The following RANBP10 variants were observed in gnomAD, a reference collection of about 807,000 sequenced individuals.
RANBP10 encodes the protein ran-binding protein 10.
RANBP10 carries 24 observed loss-of-function variants against 72.8 expected under a neutral mutation model. The observed-to-expected ratio is 0.33, with a 90% CI of 0.24 to 0.46. The LOEUF is 0.46. Ranked by LOEUF, RANBP10 falls within the 20% of genes least tolerant of loss-of-function variation. RANBP10 has a pLI of 1.00. For synonymous variants in RANBP10, 310 were observed against 322.3 expected (o/e 0.96, Z 0.41); for missense variants, 679 against 817.5 (o/e 0.83, Z 2.07).
At chr16:67,794,342 C>T (rs1358739117) in intron 2 of RANBP10, among the ~76,000 whole-genome samples, 1 of 151,440 alleles carries the variant, frequency 6.6e-6, no homozygotes, top group Non-Finnish European at 1.5e-5. Flanking sequence ...GAGGCTGAGG[C>T]GGGAGAATTG....
chr16:67,740,500 C>T (rs1219298498), intron 4 of RANBP10, among the ~76,000 whole-genome samples: 1 of 152,038 alleles, frequency 6.6e-6, no homozygotes, highest in Non-Finnish European at 1.5e-5. Context: ...CTATCCAACC[C>T]CTGCCCAGAA....
At chr16:67,764,953 C>T (rs932612317) in intron 3 of RANBP10, among the ~76,000 whole-genome samples, 1 of 152,050 alleles carries the variant, frequency 6.6e-6, no homozygotes, top group Admixed American at 6.6e-5. Context: ...ACTTGAACAT[C>T]TTAACTATAT....
chr16:67,794,538 T>G lies in RANBP10; in HGVS notation c.347+10890A>C, dbSNP rs1358258444. On this transcript the variant is annotated intron_variant, in intron 2 of 13. Transcript: ENST00000317506. ...CCAACATATTCTTTTTTTTTTTTTTTTTGAGATGGAGTCTCACTCTGTCTC... is the reference window on the plus strand; with the variant it reads ...CCAACATATTCTTTTTTTTTTTTTTGTTGAGATGGAGTCTCACTCTGTCTC... 2.7e-5 allele frequency among the ~76,000 whole-genome samples: 4 copies of G among 148,782 alleles called. No homozygotes were observed. The East Asian group carries it at 8.0e-4, about 30-fold the overall frequency.
chr16:67,778,645 G>A (rs1279064141), intron 2 of RANBP10, among the ~76,000 whole-genome samples: 1 of 152,168 alleles, frequency 6.6e-6, no homozygotes, highest in Admixed American at 6.6e-5. Flanking sequence ...GAGCCCAGGA[G>A]TTTGGGACTA....
At chr16:67,744,121 G>A (rs570401260) in intron 4 of RANBP10, 167 bp downstream of exon 4, 70 of 1,401,640 alleles carry the variant, frequency 5.0e-5, no homozygotes, top group East Asian at 1.0e-4. Context: ...GAACAAAGGC[G>A]TGCCCCTGCT....
intron 3 of RANBP10, among the ~76,000 whole-genome samples, chr16:67,766,901 C>T (rs1191145300): frequency 6.6e-6 from 1 of 152,126 alleles, no homozygotes; most frequent in African/African-American, 2.4e-5. Context: ...TATCTAGATG[C>T]AATCTGATTC....
chr16:67,727,301 T>G (rs1320574763), intron 13 of RANBP10, 26 bp downstream of exon 13: 5 of 1,585,014 alleles, frequency 3.2e-6, no homozygotes, highest in Non-Finnish European at 4.3e-6. Context: ...CTGTCTCTAA[T>G]AATAATAATA....
chr16:67,797,183 C>T (rs1321713570), intron 2 of RANBP10, among the ~76,000 whole-genome samples: 1 of 152,166 alleles, frequency 6.6e-6, no homozygotes, highest in Non-Finnish European at 1.5e-5. Context: ...GGGAAAAGAC[C>T]AAAAGTTCCA....
At chr16:67,780,112 G>C (rs1201251761) in intron 2 of RANBP10, among the ~76,000 whole-genome samples, 2 of 152,022 alleles carry the variant, frequency 1.3e-5, no homozygotes, top group Non-Finnish European at 2.9e-5. Flanking sequence ...GGTGCCTGTA[G>C]TCCCAGCTAC....
chr16:67,755,238 C>T (rs138863348), intron 3 of RANBP10, among the ~76,000 whole-genome samples: 124 of 152,274 alleles, frequency 8.1e-4, no homozygotes, highest in Middle Eastern at 3.4e-3. Flanking sequence ...CCACTCCCAC[C>T]CTGAAGCCAA....
At chr16:67,806,266 C>T in intron 1 of RANBP10, 36 bp downstream of exon 1, 1 of 1,568,178 alleles carries the variant, frequency 6.4e-7, no homozygotes, top group South Asian at 1.2e-5. Context: ...CACGGACGCT[C>T]TAGCCTTAAT....
At position 67,806,519 on chromosome 16, in the gene RANBP10, T is replaced by C. The variant is rs3743730; in HGVS notation, c.18A>G (p.Ala6=). ...GCTGCGGGTTCCCAGCTCCCGGGTC[T>C]GCCGTCGCTGCCGCCATCTTGGAGG... is the stretch of plus-strand genomic sequence containing the variant. MAAAT[A]DPGAGNPQPG... is the part of the protein sequence containing the mutation. Residue 6 remains alanine, a synonymous_variant, in exon 1 of 14, where the codon GCA becomes GCG. Transcript: ENST00000317506. 63 of 1,509,824 alleles carry C rather than the reference T, an allele frequency of 4.2e-5. No individual in the cohort carries two copies. Among genetic ancestry groups the C allele is most frequent in the South Asian group, 6.2e-5 (5 of 80,976 alleles). 93.5% of individuals were successfully genotyped at this position (1,509,824 alleles called of 1,614,324 possible). A position where few individuals can be genotyped will look rare whatever the true frequency, so the allele number is the denominator to read the frequency against.
At chr16:67,743,048 C>T (rs2053999791) in intron 4 of RANBP10, among the ~76,000 whole-genome samples, 1 of 152,240 alleles carries the variant, frequency 6.6e-6, no homozygotes, top group Admixed American at 6.5e-5. Context: ...TTCCTGCCAA[C>T]TCTTGGCTGG....
At chr16:67,756,793 G>A (rs903875065) in intron 3 of RANBP10, among the ~76,000 whole-genome samples, 1 of 152,120 alleles carries the variant, frequency 6.6e-6, no homozygotes, top group South Asian at 2.1e-4. Context: ...CAACAAATGG[G>A]TCCCAGTCAT....
At chr16:67,777,418 C>T (rs759096176) in intron 2 of RANBP10, among the ~76,000 whole-genome samples, 2 of 151,976 alleles carry the variant, frequency 1.3e-5, no homozygotes, top group Non-Finnish European at 2.9e-5. Context: ...GGCCTGTAGT[C>T]CCAGCTACGG....
intron 2 of RANBP10, among the ~76,000 whole-genome samples, chr16:67,788,516 C>CA: frequency 1.3e-5 from 2 of 151,804 alleles, no homozygotes; most frequent in East Asian, 3.9e-4. Flanking sequence ...CTCGGCCTCC[C>CA]AAAGTGCTGG....
chr16:67,802,642 A>C (rs1290925263), intron 2 of RANBP10, among the ~76,000 whole-genome samples: 3 of 152,178 alleles, frequency 2.0e-5, no homozygotes, highest in African/African-American at 4.8e-5. Flanking sequence ...GTGGCAAATA[A>C]ATAAATTAAT....
intron 6 of RANBP10, among the ~76,000 whole-genome samples, chr16:67,732,776 G>A (rs1349284936): frequency 6.6e-6 from 1 of 151,976 alleles, no homozygotes; most frequent in African/African-American, 2.4e-5. Flanking sequence ...GGCCAGGCGT[G>A]GTGGCTCATG....
At chr16:67,769,128 G>A (rs1165968246) in intron 3 of RANBP10, among the ~76,000 whole-genome samples, 17 of 152,026 alleles carry the variant, frequency 1.1e-4, no homozygotes, top group Admixed American at 1.1e-3. Context: ...ATATCCTACA[G>A]ATGATTCCAA....
Sources: allele counts gnomAD v4.1 joint callset (sites outside exome capture counted in the v4.1 genomes callset), GRCh38; gene constraint gnomAD v4.1.1; transcripts MANE v1.5; gene names NCBI Gene and HGNC (gene_info 2026-07-23, HGNC 2026-07-21).